The following NEIL3 variants were observed in gnomAD, a reference collection of about 807,000 sequenced individuals.
NEIL3 encodes the protein nei like DNA glycosylase 3, also known as endonuclease 8-like 3.
In NEIL3, 48 loss-of-function variants were observed where a neutral mutation model predicts 57.5. The ratio of observed to expected loss-of-function variants is 0.83; its 90% CI spans 0.66 to 1.06. The LOEUF is 1.06. Ranked by LOEUF, NEIL3 falls within the 50% of genes least tolerant of loss-of-function variation. The pLI is 0.00. For synonymous variants in NEIL3, 261 were observed against 253.2 expected, an observed-to-expected ratio of 1.03 and a Z score of -0.29; for missense variants, 717 against 739.1, an observed-to-expected ratio of 0.97 and a Z score of 0.35.
At chr4:177,328,460 T>C (rs551805958) in intron 2 of NEIL3, among the ~76,000 whole-genome samples, 1 of 152,194 alleles carries the variant, frequency 6.6e-6, no homozygotes, top group South Asian at 2.1e-4. Context: ...AAAGAAACAT[T>C]GCATATTAAT....
chr4:177,335,165 A>G lies in NEIL3; in HGVS notation c.279-523A>G, dbSNP rs35534065. Among the ~76,000 whole-genome samples, 1,344 of 152,258 alleles carry G rather than the reference A, an allele frequency of 8.8e-3. 19 individuals are homozygous for G. Among genetic ancestry groups the G allele is most frequent in the African/African-American group, 0.031 (1,278 of 41,562 alleles). On this transcript the variant is annotated intron_variant, in intron 2 of 9. Coordinates refer to ENST00000264596, the MANE Select transcript of NEIL3 (RefSeq NM_018248.3). ...ATTGCCTAGTGCAAAACAAGGGGGG[A>G]AAAGAGCATCTTAAACCATAGATAT... is the stretch of plus-strand genomic sequence containing the variant.
intron 8 of NEIL3, chr4:177,354,010 C>T (rs1460925302): frequency 6.8e-6 from 2 of 295,850 alleles, no homozygotes; most frequent in Admixed American, 5.0e-5. Flanking sequence ...AAGTTATCTG[C>T]CCACCTCCGC....
chr4:177,326,082 T>C (rs1212967951), intron 2 of NEIL3, among the ~76,000 whole-genome samples: 2 of 152,162 alleles, frequency 1.3e-5, no homozygotes, highest in Admixed American at 6.5e-5. Flanking sequence ...TTTTCATGGT[T>C]CATTCATACG....
downstream of NEIL3, among the ~76,000 whole-genome samples, chr4:177,364,498 A>G (rs970844400): frequency 9.2e-5 from 14 of 152,228 alleles, no homozygotes; most frequent in Non-Finnish European, 1.3e-4. Flanking sequence ...TGGCAGCCAC[A>G]GCCACTGGGA....
downstream of NEIL3, among the ~76,000 whole-genome samples, chr4:177,366,952 TCA>T (rs1735700980): frequency 6.6e-6 from 1 of 152,232 alleles, no homozygotes; most frequent in African/African-American, 2.4e-5. Flanking sequence ...AGGTTTTATT[TCA>T]GTTATTATAT....
At chr4:177,369,593 A>C in the NEIL3 span, among the ~76,000 whole-genome samples, 1 of 152,196 alleles carries the variant, frequency 6.6e-6, no homozygotes, top group Non-Finnish European at 1.5e-5. Flanking sequence ...CAAATGAAAA[A>C]AATGATCAAT....
chr4:177,344,407 A>C (rs1193461336), intron 6 of NEIL3, among the ~76,000 whole-genome samples: 1 of 152,204 alleles, frequency 6.6e-6, no homozygotes, highest in Non-Finnish European at 1.5e-5. Context: ...TAAGCTGAAG[A>C]AGTCTGAAAA....
At position 177,337,172 on chromosome 4, in the gene NEIL3, A is replaced by T. The variant is rs565680717; in HGVS notation, c.627+851A>T. Among the ~76,000 whole-genome samples, 6 of 152,248 alleles carry T rather than the reference A, an allele frequency of 3.9e-5. No individual in the cohort carries two copies. In the East Asian group the frequency reaches 1.2e-3, roughly 29 times the overall value. On this transcript the variant is annotated intron_variant, in intron 4 of 9. Coordinates refer to ENST00000264596, the MANE Select transcript of NEIL3 (RefSeq NM_018248.3). ...GTGATGAATATAGCAATGTTCTAAG[A>T]GGGTAAGAGAGGTGAGAACCCTAAC...
intron 2 of NEIL3, among the ~76,000 whole-genome samples, chr4:177,325,641 T>C (rs947661698): frequency 2.6e-5 from 4 of 152,144 alleles, no homozygotes; most frequent in Non-Finnish European, 5.9e-5. Flanking sequence ...AAACTGTTCT[T>C]AAAAGTGGTG....
At chr4:177,351,820 G>C (rs1434686344) in intron 7 of NEIL3, among the ~76,000 whole-genome samples, 1 of 152,100 alleles carries the variant, frequency 6.6e-6, no homozygotes, top group Non-Finnish European at 1.5e-5. Flanking sequence ...GTTCTCTACT[G>C]TTTCTAATGA....
chr4:177,330,034 C>G (rs891491527), intron 2 of NEIL3, among the ~76,000 whole-genome samples: 8 of 152,020 alleles, frequency 5.3e-5, no homozygotes, highest in African/African-American at 1.9e-4. Flanking sequence ...GCCTCAGCTT[C>G]TTGAGTAGCT....
intron 4 of NEIL3, among the ~76,000 whole-genome samples, 156 bp downstream of exon 4, chr4:177,336,477 C>T (rs1288010201): frequency 1.3e-5 from 2 of 152,186 alleles, no homozygotes; most frequent in East Asian, 1.9e-4. Context: ...TCAGTGCAGC[C>T]GGCTCCTACC....
At chr4:177,349,758 G>A (rs1735312735) in intron 6 of NEIL3, among the ~76,000 whole-genome samples, 1 of 152,140 alleles carries the variant, frequency 6.6e-6, no homozygotes, top group African/African-American at 2.4e-5. Flanking sequence ...AAATAGAGCA[G>A]TAAAGAAAGG....
At chr4:177,365,689 G>T (rs550488968), downstream of NEIL3, among the ~76,000 whole-genome samples, 1 of 152,252 alleles carries the variant, frequency 6.6e-6, no homozygotes, top group East Asian at 1.9e-4. Flanking sequence ...TTTAACATTA[G>T]AAGTCTGTTT....
rs546533976 is a variant in NEIL3 at position 177,362,788 on chromosome 4, GT to G, written c.*327del. 183 of 164,070 alleles carry G rather than the reference GT, an allele frequency of 1.1e-3. No homozygotes were observed. Among genetic ancestry groups the G allele is most frequent in the South Asian group, 2.8e-3 (14 of 5,032 alleles). The allele number at this position is 164,070 out of a possible 1,614,324, so 10.2% of individuals were successfully genotyped here. ...TCTCTTGTAACTGGGGAGAAGCAGT[GT>G]TTTTTTTTTAGGAAAGGATTATGCG... On this transcript the variant is annotated 3_prime_UTR_variant, in exon 10 of 10. Coordinates refer to ENST00000264596, the MANE Select transcript of NEIL3 (RefSeq NM_018248.3).
At chr4:177,310,541 G>A (rs1394958549) in intron 1 of NEIL3, among the ~76,000 whole-genome samples, 1 of 152,112 alleles carries the variant, frequency 6.6e-6, no homozygotes, top group Admixed American at 6.5e-5. Flanking sequence ...TCTGCAATTG[G>A]TAAGTATATC....
chr4:177,320,703 G>A (rs1734667714), intron 1 of NEIL3, among the ~76,000 whole-genome samples: 1 of 151,164 alleles, frequency 6.6e-6, no homozygotes, highest in Non-Finnish European at 1.5e-5. Flanking sequence ...TCCTGACCTC[G>A]TGATCCGCCC....
At chr4:177,310,666 G>A (rs1483659251) in intron 1 of NEIL3, among the ~76,000 whole-genome samples, 5 of 152,186 alleles carry the variant, frequency 3.3e-5, no homozygotes, top group East Asian at 1.9e-4. Context: ...GTTCCCTTAA[G>A]TGAATTTATT....
At chr4:177,313,715 G>A (rs1734518901) in intron 1 of NEIL3, among the ~76,000 whole-genome samples, 1 of 152,146 alleles carries the variant, frequency 6.6e-6, no homozygotes, top group Admixed American at 6.5e-5. Context: ...AACATGGTCT[G>A]ATTATTTCCA....
Sources: allele counts gnomAD v4.1 joint callset (sites outside exome capture counted in the v4.1 genomes callset), GRCh38; gene constraint gnomAD v4.1.1; transcripts MANE v1.5; gene names NCBI Gene and HGNC (gene_info 2026-07-23, HGNC 2026-07-21).